Variants in DGAT2L6 observed in about 807,000 individuals in gnomAD.
DGAT2L6 encodes the protein diacylglycerol O-acyltransferase 2-like protein 6.
In DGAT2L6, 22 loss-of-function variants were observed where a neutral mutation model predicts 25.5. The observed-to-expected ratio is 0.86, with a 90% CI of 0.62 to 1.23. The LOEUF (loss-of-function observed/expected upper bound fraction) is 1.23, where lower values mean the gene tolerates loss of function less well. DGAT2L6 is among the 50% of genes most tolerant of loss of function. DGAT2L6 has a pLI of 0.00. For missense variants in DGAT2L6, 287 were observed against 253.2 expected (o/e 1.13, Z -0.91); for synonymous variants, 100 against 94.7 (o/e 1.06, Z -0.32).
intron 1 of DGAT2L6, among the ~76,000 whole-genome samples, chrX:70,178,183 C>T (rs1257199253): frequency 9.1e-6 from 1 of 109,603 alleles, no homozygotes; most frequent in South Asian, 4.0e-4. Flanking sequence ...AGGAGCTGTC[C>T]CCTATGAACT....
At chrX:70,182,226 G>A (rs184637843) in intron 1 of DGAT2L6, among the ~76,000 whole-genome samples, 1 of 110,932 alleles carries the variant, frequency 9.0e-6, no homozygotes. Flanking sequence ...AGAGAGGAAC[G>A]AGAAAATGGC....
Position 70,190,233 on chromosome X carries a change from T to C in DGAT2L6, c.86-9038T>C, listed in dbSNP as rs771365987. 2.3e-4 allele frequency among the ~76,000 whole-genome samples: 26 copies of C among 112,311 alleles called. No individual in the cohort carries two copies. In the South Asian group the frequency reaches 4.8e-3, roughly 21 times the overall value. ...GGTGTAGGAAAATTTGATGTCCATA[T>C]GTGGCAAAATGAATCTTGACCCAAA... is the stretch of plus-strand genomic sequence containing the variant. On this transcript the variant is annotated intron_variant, in intron 1 of 6. Coordinates refer to ENST00000333026, the MANE Select transcript of DGAT2L6 (RefSeq NM_198512.3).
intron 1 of DGAT2L6, among the ~76,000 whole-genome samples, chrX:70,197,680 G>A (rs2085396220): frequency 8.9e-6 from 1 of 112,108 alleles, no homozygotes; most frequent in South Asian, 3.7e-4. Flanking sequence ...TCTAAATACT[G>A]GGGAAACAAA....
chrX:70,189,955 AG>A (rs1019128993), intron 1 of DGAT2L6, among the ~76,000 whole-genome samples: 1 of 112,162 alleles, frequency 8.9e-6, no homozygotes, highest in African/African-American at 3.2e-5. Flanking sequence ...AAATTTATAT[AG>A]AAAAACAAAG....
At chrX:70,199,144 A>T (rs772172279) in intron 1 of DGAT2L6, 127 bp from the exon 2 acceptor site, 15 of 425,561 alleles carry the variant, frequency 3.5e-5, no homozygotes, top group Admixed American at 4.3e-5. Context: ...GGAAGAGGGG[A>T]GAAGGAGAGA....
At chrX:70,190,490 G>A (rs138339370) in intron 1 of DGAT2L6, among the ~76,000 whole-genome samples, 80 of 111,720 alleles carry the variant, frequency 7.2e-4, no homozygotes, top group African/African-American at 2.5e-3. Context: ...TGTGGTGAAG[G>A]TTACAGACCT....
chrX:70,184,402 C>T (rs1419096848), intron 1 of DGAT2L6, among the ~76,000 whole-genome samples: 1 of 110,966 alleles, frequency 9.0e-6, no homozygotes, highest in Non-Finnish European at 1.9e-5. Flanking sequence ...GACTTTATTA[C>T]ATCTTCAGGA....
rs1436769412 is a variant in DGAT2L6 at position 70,196,503 on chromosome X, GAAAGAAAAAAGAAAAAA to G, written c.86-2753_86-2737del. Among the ~76,000 whole-genome samples, 17 of 70,569 alleles carry G rather than the reference GAAAGAAAAAAGAAAAAA, an allele frequency of 2.4e-4. No homozygotes were observed. In the South Asian group the frequency reaches 5.5e-3, roughly 23 times the overall value. 61.3% of individuals were successfully genotyped at this position (70,569 alleles called of 115,157 possible). A position where few individuals can be genotyped will look rare whatever the true frequency, so the allele number is the denominator to read the frequency against. Reference sequence around the variant, plus strand: ...TCCTGTCTCAAAAAAAAAAAAAAAAGAAAGAAAAAAGAAAAAAAAAGAAAAAAGAAAGAAAGAAAAGA... The same window carrying G: ...TCCTGTCTCAAAAAAAAAAAAAAAAGAAAGAAAAAAGAAAGAAAGAAAAGA... On this transcript the variant is annotated intron_variant, in intron 1 of 6. Transcript: ENST00000333026.
At chrX:70,204,618 G>A in intron 6 of DGAT2L6, 102 bp downstream of exon 6, 1 of 960,549 alleles carries the variant, frequency 1.0e-6, no homozygotes, top group Non-Finnish European at 1.4e-6. Flanking sequence ...CATCTGGGAT[G>A]GGCAATGGGT....
At chrX:70,195,788 G>A (rs962431200) in intron 1 of DGAT2L6, among the ~76,000 whole-genome samples, 1 of 111,544 alleles carries the variant, frequency 9.0e-6, no homozygotes, top group Non-Finnish European at 1.9e-5. Flanking sequence ...ATAGAATGGT[G>A]GCTGCCAGGA....
intron 1 of DGAT2L6, among the ~76,000 whole-genome samples, chrX:70,182,001 C>T (rs1444371371): frequency 9.0e-6 from 1 of 111,731 alleles, no homozygotes; most frequent in Non-Finnish European, 1.9e-5. Flanking sequence ...TTCCTTCCTC[C>T]TCTTCTTTCT....
chrX:70,186,881 G>A (rs75527037), intron 1 of DGAT2L6, among the ~76,000 whole-genome samples: 57 of 112,347 alleles, frequency 5.1e-4, no homozygotes, highest in African/African-American at 1.7e-3. Flanking sequence ...ATGAGGCTAG[G>A]AAGACACGTG....
At chrX:70,196,486 C>CAAAAAAAAAAAAAAAA (rs751597708) in intron 1 of DGAT2L6, among the ~76,000 whole-genome samples, 26 of 26,057 alleles carry the variant, frequency 1.0e-3, no homozygotes, top group Non-Finnish European at 1.8e-3. Flanking sequence ...GATCCTGTCT[C>CAAAAAAAAAAAAAAAA]AAAAAAAAAA....
At chrX:70,202,354 T>C (rs2085413589) in intron 5 of DGAT2L6, among the ~76,000 whole-genome samples, 1 of 111,929 alleles carries the variant, frequency 8.9e-6, no homozygotes. Flanking sequence ...TCACTCTATA[T>C]CAACCTGTTA....
At chrX:70,187,169 T>TTTTTG (rs763266355) in intron 1 of DGAT2L6, among the ~76,000 whole-genome samples, 6 of 108,472 alleles carry the variant, frequency 5.5e-5, no homozygotes, top group African/African-American at 2.1e-4. Context: ...AGGAGAAGTT[T>TTTTTG]TTTGTTTGTT....
chrX:70,204,665 A>T, intron 6 of DGAT2L6, 149 bp downstream of exon 6: 1 of 668,862 alleles, frequency 1.5e-6, no homozygotes, highest in Middle Eastern at 5.1e-4. Flanking sequence ...AACTAAACAG[A>T]TAAGAGTTGT....
rs2085425761 is a variant in DGAT2L6, at chrX:70,205,366, C to T, written c.*260C>T. 3.5e-6 allele frequency: 1 copy of T among 283,421 alleles called. No homozygotes were observed. Among genetic ancestry groups the T allele is most frequent in the Non-Finnish European group, 6.1e-6 (1 of 163,366 alleles). The allele number at this position is 283,421 out of a possible 1,213,427, so 23.4% of individuals were successfully genotyped here. A position where few individuals can be genotyped will look rare whatever the true frequency, so the allele number is the denominator to read the frequency against. On this transcript the variant is annotated 3_prime_UTR_variant, in exon 7 of 7. Coordinates refer to ENST00000333026, the MANE Select transcript of DGAT2L6 (RefSeq NM_198512.3). Reference sequence around the variant, plus strand: ...AGCCAGAGGAGTTGGCTGTATCACCCCTGGTTATTTTAGGGCAACAACCCA... The same window carrying T: ...AGCCAGAGGAGTTGGCTGTATCACCTCTGGTTATTTTAGGGCAACAACCCA...
chrX:70,183,772 T>C (rs1055448169), intron 1 of DGAT2L6, among the ~76,000 whole-genome samples: 2 of 111,007 alleles, frequency 1.8e-5, no homozygotes, highest in African/African-American at 3.3e-5. Context: ...GGCTCATGCC[T>C]GTAATCCAAA....
At chrX:70,201,769 G>A in intron 4 of DGAT2L6, 121 bp from the exon 5 acceptor site, 1 of 810,948 alleles carries the variant, frequency 1.2e-6, no homozygotes, top group Non-Finnish European at 1.7e-6. Flanking sequence ...GAGACAGAAA[G>A]GTGGAAACAG....
Sources: allele counts gnomAD v4.1 joint callset (sites outside exome capture counted in the v4.1 genomes callset), GRCh38; gene constraint gnomAD v4.1.1; transcripts MANE v1.5; gene names NCBI Gene and HGNC (gene_info 2026-07-23, HGNC 2026-07-21).